Variants in ITGB3 observed in about 807,000 individuals in gnomAD.
ITGB3 encodes integrin beta-3.
A neutral mutation model predicts 85.8 loss-of-function variants in ITGB3; 48 were observed. The ratio of observed to expected loss-of-function variants is 0.56; its 90% CI spans 0.44 to 0.71. The LOEUF is 0.71. ITGB3 is among the 30% of genes least tolerant of loss of function. ITGB3 has a pLI of 0.00. For missense variants in ITGB3, 861 were observed against 1,019.1 expected (o/e 0.84, Z 2.11); for synonymous variants, 363 against 395.6 (o/e 0.92, Z 0.98).
At chr17:47,255,889 T>C (rs1346052313) in intron 1 of ITGB3, among the ~76,000 whole-genome samples, 1 of 152,158 alleles carries the variant, frequency 6.6e-6, no homozygotes, top group Non-Finnish European at 1.5e-5. Context: ...CATTCTGCCC[T>C]GGGACATGTG....
chr17:47,283,213 C>T, intron 2 of ITGB3, 141 bp from the exon 3 acceptor site: 1 of 860,890 alleles, frequency 1.2e-6, no homozygotes, highest in South Asian at 1.4e-5. Flanking sequence ...AGGGATTATC[C>T]CAGGAAAGAC....
rs748901429 is a variant in ITGB3, at chr17:47,284,554, A to G, written c.473A>G (p.Gln158Arg). 3.1e-6 allele frequency: 5 copies of G among 1,614,112 alleles called. No homozygotes were observed. Among genetic ancestry groups the G allele is most frequent in the Non-Finnish European group, 4.2e-6 (5 of 1,180,044 alleles). Residue 158 changes from glutamine to arginine, a missense_variant, in exon 4 of 15, where the codon CAG becomes CGG. Physicochemically the swap from Gln to Arg is conservative, Grantham distance 43. Transcript: ENST00000559488. ...ATGAAGGATGATCTGTGGAGCATCCAGAACCTGGGTACCAAGCTGGCCACC... is the reference window on the plus strand; with the variant it reads ...ATGAAGGATGATCTGTGGAGCATCCGGAACCTGGGTACCAAGCTGGCCACC... ...YSMKDDLWSI[Q>R]NLGTKLATQM...
chr17:47,296,798 G>A (rs545700261), intron 10 of ITGB3, among the ~76,000 whole-genome samples: 3 of 152,294 alleles, frequency 2.0e-5, no homozygotes, highest in Non-Finnish European at 4.4e-5. Context: ...TACCAAGGTT[G>A]AGAAATCACA....
chr17:47,270,929 A>G (rs2065042150), intron 1 of ITGB3, among the ~76,000 whole-genome samples: 1 of 152,226 alleles, frequency 6.6e-6, no homozygotes, highest in Non-Finnish European at 1.5e-5. Flanking sequence ...TTGGAATTCT[A>G]TGCATAATTT....
chr17:47,281,033 T>C (rs2065082145), intron 2 of ITGB3, among the ~76,000 whole-genome samples: 1 of 152,248 alleles, frequency 6.6e-6, no homozygotes, highest in Non-Finnish European at 1.5e-5. Context: ...CCTGTAAGAT[T>C]GGGTTCCTTA....
intron 2 of ITGB3, among the ~76,000 whole-genome samples, chr17:47,282,073 C>T (rs759986009): frequency 2.6e-5 from 4 of 152,050 alleles, no homozygotes; most frequent in Non-Finnish European, 5.9e-5. Flanking sequence ...CTCCGTCTCC[C>T]AAGTAGCTGG....
At chr17:47,294,433 A>T (rs1598695921) in intron 10 of ITGB3, among the ~76,000 whole-genome samples, 1 of 152,178 alleles carries the variant, frequency 6.6e-6, no homozygotes, top group Non-Finnish European at 1.5e-5. Context: ...CAGCCAGAGC[A>T]TGTTTCTTTT....
At chr17:47,309,530 A>C (rs1296856336) in intron 14 of ITGB3, among the ~76,000 whole-genome samples, 4 of 152,164 alleles carry the variant, frequency 2.6e-5, no homozygotes, top group African/African-American at 9.7e-5. Context: ...CAGGGGTGAA[A>C]TAGGAGAGGT....
Position 47,287,063 on chromosome 17 carries a change from T to C in ITGB3, c.778-7T>C. 1 of 1,613,738 alleles carries C rather than the reference T, an allele frequency of 6.2e-7. No individual in the cohort carries two copies. The highest frequency in any genetic ancestry group is 1.3e-5 in the African/African-American group (1 of 75,050). Reference sequence around the variant, plus strand: ...CTCTGCCTTTGTTTTTTGTTTTCTTTTAACAGGAAAAGATTGGCTGGAGGA... The same window carrying C: ...CTCTGCCTTTGTTTTTTGTTTTCTTCTAACAGGAAAAGATTGGCTGGAGGA... On this transcript the variant is annotated splice_polypyrimidine_tract_variant and splice_region_variant and intron_variant, in intron 5 of 14. Coordinates refer to ENST00000559488, the MANE Select transcript of ITGB3 (RefSeq NM_000212.3).
rs761812282 is a variant in ITGB3 at position 47,299,467 on chromosome 17, C to T, written c.1850C>T (p.Pro617Leu). Residue 617 changes from proline to leucine, a missense_variant, in exon 11 of 15, where the codon CCG becomes CTG. Physicochemically the swap from Pro to Leu is moderately conservative, Grantham distance 98. Coordinates refer to ENST00000559488, the MANE Select transcript of ITGB3 (RefSeq NM_000212.3). This position sits in a 1 kb window ranked among gnomAD's most constrained non-coding sequence, Gnocchi z 5.1. ...CECGSCVCIQPGSYGDTCEKC... is the reference protein window; with the variant it reads ...CECGSCVCIQLGSYGDTCEKC... The stretch of plus-strand genomic sequence containing the variant: ...TGTGGCAGCTGTGTCTGTATCCAGC[C>T]GGGCTCCTATGGGGACACCTGTGAG... The T allele has an allele frequency of 3.6e-5, 58 of 1,614,100 alleles. No individual in the cohort carries two copies. Among genetic ancestry groups the T allele is most frequent in the Admixed American group, 1.5e-4 (9 of 60,010 alleles).
At position 47,289,726 on chromosome 17, in the gene ITGB3, A is replaced by C; in HGVS notation, c.985A>C (p.Asn329His). The C allele has an allele frequency of 6.2e-7, 1 of 1,614,136 alleles. No individual in the cohort carries two copies. The highest frequency in any genetic ancestry group is 8.5e-7 in the Non-Finnish European group (1 of 1,179,970). The stretch of plus-strand genomic sequence containing the variant: ...GATGACTGAGAAGCTATCCCAGAAA[A>C]ACATCAATTTGATCTTTGCAGTGAC... ...GLMTEKLSQK[N>H]INLIFAVTEN... The change falls in exon 7 of 15, where the codon AAC (asparagine) becomes CAC (histidine). Residue 329 changes from asparagine to histidine, a missense_variant. Transcript: ENST00000559488.
At chr17:47,275,879 T>TC (rs2065061908) in intron 2 of ITGB3, among the ~76,000 whole-genome samples, 1 of 152,034 alleles carries the variant, frequency 6.6e-6, no homozygotes, top group South Asian at 2.1e-4. Flanking sequence ...TGAGACCTTC[T>TC]CCCCCACCCC....
chr17:47,286,203 C>T, intron 4 of ITGB3, 57 bp from the exon 5 acceptor site: 2 of 1,596,296 alleles, frequency 1.3e-6, no homozygotes, highest in South Asian at 1.1e-5. Flanking sequence ...CCTCCCAATT[C>T]CCATGCTGCC....
At chr17:47,282,612 TTTCC>T (rs2065087824) in intron 2 of ITGB3, among the ~76,000 whole-genome samples, 2 of 152,220 alleles carry the variant, frequency 1.3e-5, no homozygotes, top group Non-Finnish European at 2.9e-5. Flanking sequence ...TTACACTGCC[TTTCC>T]CTATCACATT....
At chr17:47,283,307 G>T in intron 2 of ITGB3, 47 bp from the exon 3 acceptor site, 1 of 1,593,158 alleles carries the variant, frequency 6.3e-7, no homozygotes, top group Non-Finnish European at 8.6e-7. Context: ...GTAGAGAGTC[G>T]CCATAGCTCT....
At chr17:47,268,383 G>A (rs1299404310) in intron 1 of ITGB3, among the ~76,000 whole-genome samples, 1 of 152,200 alleles carries the variant, frequency 6.6e-6, no homozygotes, top group Admixed American at 6.5e-5. Flanking sequence ...CTGAGACAAG[G>A]CAAGTCCCTT....
chr17:47,255,552 G>A (rs1297662009), intron 1 of ITGB3, among the ~76,000 whole-genome samples: 2 of 152,034 alleles, frequency 1.3e-5, no homozygotes, highest in Non-Finnish European at 2.9e-5. Context: ...CTCCCGAGTA[G>A]CTGGGATTAC....
chr17:47,286,165 C>G, intron 4 of ITGB3, 95 bp from the exon 5 acceptor site: 1 of 1,410,348 alleles, frequency 7.1e-7, no homozygotes, highest in South Asian at 1.2e-5. Flanking sequence ...CCTTGGCATA[C>G]CACTATCTAT....
In ITGB3 at chr17:47,292,268, C is replaced by G. The variant is rs756122334; in HGVS notation, c.1390C>G (p.Gln464Glu). 34 of 1,614,096 alleles carry G rather than the reference C, an allele frequency of 2.1e-5. No homozygotes were observed. In the East Asian group the frequency reaches 7.3e-4, roughly 35 times the overall value. Residue 464 changes from glutamine (Q) to glutamate (E), a missense_variant, in exon 10 of 15, where the codon CAG becomes GAG. By Grantham distance (29) the Gln-to-Glu change is conservative (BLOSUM62 2). Coordinates refer to ENST00000559488, the MANE Select transcript of ITGB3 (RefSeq NM_000212.3). ...QVTFDCDCAC[Q>E]AQAEPNSHRC... ...CACCTTTGATTGTGACTGTGCCTGC[C>G]AGGCCCAAGCTGAACCTAATAGCCA... is the stretch of plus-strand genomic sequence containing the variant.
Sources: gnomAD v4.1 joint callset for allele counts (sites outside exome capture counted in the v4.1 genomes callset) on GRCh38, gnomAD v4.1.1 for gene constraint, Gnocchi (gnomAD v3.1) non-coding constraint, MANE v1.5 for transcripts, NCBI Gene and HGNC (gene_info 2026-07-23, HGNC 2026-07-21) for gene names.